Variants in NSRP1 observed in about 807,000 individuals in gnomAD.
The protein encoded by NSRP1 is nuclear speckle splicing regulatory protein 1, also known as coiled-coil domain containing 55.
Under a neutral mutation model 54.7 loss-of-function variants are expected in NSRP1, and 24 were observed. That is an observed-to-expected ratio of 0.44 (90% confidence interval 0.32 to 0.62). The LOEUF (loss-of-function observed/expected upper bound fraction) is 0.62, where lower values mean the gene tolerates loss of function less well. NSRP1 is among the 20% of genes least tolerant of loss of function. The pLI is 0.06. For missense variants in NSRP1, 596 were observed against 651.2 expected, an observed-to-expected ratio of 0.92 and a Z score of 0.92; for synonymous variants, 210 against 213.8, an observed-to-expected ratio of 0.98 and a Z score of 0.15.
At chr17:30,151,774 C>CTTT (rs780507533) in intron 2 of NSRP1, among the ~76,000 whole-genome samples, 105 of 48,850 alleles carry the variant, frequency 2.1e-3, no homozygotes, top group African/African-American at 2.6e-3. Flanking sequence ...TTGTCACTTT[C>CTTT]TTTTTTTTTT....
At chr17:30,139,170 G>A (rs1353207067) in intron 2 of NSRP1, among the ~76,000 whole-genome samples, 1 of 149,798 alleles carries the variant, frequency 6.7e-6, no homozygotes, top group East Asian at 1.9e-4. Flanking sequence ...AACCGCCTCA[G>A]CCTCCCAAAG....
At chr17:30,126,929 G>A (rs2039879607) in intron 2 of NSRP1, among the ~76,000 whole-genome samples, 1 of 152,180 alleles carries the variant, frequency 6.6e-6, no homozygotes, top group African/African-American at 2.4e-5. Flanking sequence ...ATTTATTCAG[G>A]TGTTTTAGCT....
At chr17:30,157,339 A>G (rs992765397) in intron 2 of NSRP1, among the ~76,000 whole-genome samples, 2 of 152,108 alleles carry the variant, frequency 1.3e-5, no homozygotes, top group African/African-American at 2.4e-5. Flanking sequence ...TATATAATTT[A>G]CATATTTATG....
At chr17:30,158,598 CCTTAT>C (rs1904400409) in intron 2 of NSRP1, among the ~76,000 whole-genome samples, 1 of 151,796 alleles carries the variant, frequency 6.6e-6, no homozygotes, top group Non-Finnish European at 1.5e-5. Flanking sequence ...TAGTTTGGGG[CCTTAT>C]CTTAAGTCTG....
chr17:30,181,719 T>G (rs376731452), intron 6 of NSRP1, among the ~76,000 whole-genome samples: 1 of 151,562 alleles, frequency 6.6e-6, no homozygotes, highest in East Asian at 1.9e-4. Flanking sequence ...CAAGGGATTC[T>G]CGTGCCTCAG....
intron 2 of NSRP1, among the ~76,000 whole-genome samples, chr17:30,121,924 C>T (rs1393667350): frequency 6.6e-6 from 1 of 152,078 alleles, no homozygotes; most frequent in Non-Finnish European, 1.5e-5. Context: ...ACATTTTCCT[C>T]ACCCAGAAAG....
chr17:30,137,601 G>A (rs994782248), intron 2 of NSRP1, among the ~76,000 whole-genome samples: 7 of 152,242 alleles, frequency 4.6e-5, no homozygotes, highest in African/African-American at 1.4e-4. Flanking sequence ...TAAGCCTTGA[G>A]ACTTTGGTGA....
intron 2 of NSRP1, among the ~76,000 whole-genome samples, chr17:30,147,848 G>A (rs2071871732): frequency 6.9e-6 from 1 of 145,218 alleles, no homozygotes; most frequent in Non-Finnish European, 1.5e-5. Flanking sequence ...TTTCGCTCTT[G>A]TCCCCCTGGC....
intron 2 of NSRP1, among the ~76,000 whole-genome samples, chr17:30,135,175 G>A (rs1267966633): frequency 6.6e-5 from 10 of 152,068 alleles, no homozygotes; most frequent in Admixed American, 5.2e-4. Context: ...CTGGAGTGAA[G>A]TGGTGCAGTG....
chr17:30,158,176 A>G (rs979010566), intron 2 of NSRP1, among the ~76,000 whole-genome samples: 3 of 152,002 alleles, frequency 2.0e-5, no homozygotes, highest in Admixed American at 6.6e-5. Context: ...AGCTGGGGTA[A>G]GATATCTTAT....
chr17:30,139,078 T>C (rs2071779270), intron 2 of NSRP1, among the ~76,000 whole-genome samples: 1 of 151,166 alleles, frequency 6.6e-6, no homozygotes, highest in Non-Finnish European at 1.5e-5. Flanking sequence ...CTACCATGCC[T>C]AGCTAATATT....
chr17:30,121,843 C>T (rs545301517), intron 2 of NSRP1, among the ~76,000 whole-genome samples: 5 of 152,244 alleles, frequency 3.3e-5, no homozygotes, highest in South Asian at 2.1e-4. Flanking sequence ...GCTGGGATTA[C>T]AGGCGTGAGC....
intron 5 of NSRP1, among the ~76,000 whole-genome samples, chr17:30,180,579 T>G: frequency 6.6e-6 from 1 of 152,258 alleles, no homozygotes. Flanking sequence ...GTATTCATAT[T>G]TTAAGACTTT....
chr17:30,150,165 C>G (rs1230149524), intron 2 of NSRP1: 1 of 151,962 alleles, frequency 6.6e-6, no homozygotes, highest in African/African-American at 2.4e-5. Flanking sequence ...ACTGCAACCT[C>G]TGCCTCCCGG....
At chr17:30,145,087 A>G (rs899965370) in intron 2 of NSRP1, among the ~76,000 whole-genome samples, 3 of 152,178 alleles carry the variant, frequency 2.0e-5, no homozygotes, top group Non-Finnish European at 4.4e-5. Context: ...AATTGTTTTT[A>G]ACTACAGCAT....
intron 2 of NSRP1, among the ~76,000 whole-genome samples, chr17:30,133,542 T>G (rs1472350134): frequency 1.3e-5 from 2 of 152,304 alleles, no homozygotes; most frequent in East Asian, 1.9e-4. Flanking sequence ...GCAAGTAGAT[T>G]TAGCATAATT....
intron 2 of NSRP1, among the ~76,000 whole-genome samples, chr17:30,153,430 T>C (rs1446798661): frequency 6.6e-6 from 1 of 152,170 alleles, no homozygotes; most frequent in Non-Finnish European, 1.5e-5. Context: ...TATGCTTACA[T>C]TTATACGTTT....
Position 30,185,920 on chromosome 17 carries a change from T to G in NSRP1, c.*246T>G, listed in dbSNP as rs1256323358. ...TGTTGTATTCAAGAACCGTTAAGAG[T>G]GTGCTAATTCCCTGTAGGTACATAA... is the stretch of plus-strand genomic sequence containing the variant. On this transcript the variant is annotated 3_prime_UTR_variant, in exon 7 of 7. Coordinates refer to ENST00000247026, the MANE Select transcript of NSRP1 (RefSeq NM_032141.4). 1 of 303,298 alleles carries G rather than the reference T, an allele frequency of 3.3e-6. No homozygotes were observed. Among genetic ancestry groups the G allele is most frequent in the African/African-American group, 2.2e-5 (1 of 46,284 alleles). The allele number at this position is 303,298 out of a possible 1,614,324, so 18.8% of individuals were successfully genotyped here. A position where few individuals can be genotyped will look rare whatever the true frequency, so the allele number is the denominator to read the frequency against.
rs144705088 is a variant in NSRP1, at chr17:30,172,014, T to TCTCACACA, written c.115-527_115-526insTCACACAC. Among the ~76,000 whole-genome samples the TCTCACACA allele has an allele frequency of 6.9e-4, 90 of 131,170 alleles. No homozygotes were observed. The East Asian group carries it at 9.0e-3, about 13-fold the overall frequency. The allele number at this position is 131,170 out of a possible 152,430, so 86.1% of individuals were successfully genotyped here. On this transcript the variant is annotated intron_variant, in intron 2 of 6. Transcript: ENST00000247026. ...CTCTCTCTCTCTCTCTCTCTCTCTCTCACATGTTCACATGAAGCAAATTGA... is the reference window on the plus strand; with the variant it reads ...CTCTCTCTCTCTCTCTCTCTCTCTCTCTCACACACACATGTTCACATGAAGCAAATTGA...
Sources: allele counts gnomAD v4.1 joint callset (sites outside exome capture counted in the v4.1 genomes callset), GRCh38; gene constraint gnomAD v4.1.1; transcripts MANE v1.5; gene names NCBI Gene and HGNC (gene_info 2026-07-23, HGNC 2026-07-21).